HDAC9: variants seen among roughly 807,000 people sequenced by gnomAD.
The protein encoded by HDAC9 is histone deacetylase 9.
Under a neutral mutation model 139.4 loss-of-function variants are expected in HDAC9, and 41 were observed. The ratio of observed to expected loss-of-function variants is 0.29; its 90% CI spans 0.23 to 0.38. The LOEUF is 0.38. Among genes scored for constraint, HDAC9 ranks in the 10% least tolerant of loss-of-function variants. The probability of loss-of-function intolerance (pLI) is 1.00; values close to 1 mark genes in which losing one functional copy is unlikely to be tolerated. For synonymous variants in HDAC9, 517 were observed against 476.2 expected, an observed-to-expected ratio of 1.09 and a Z score of -1.12; for missense variants, 1,147 against 1,297.0, an observed-to-expected ratio of 0.88 and a Z score of 1.78.
At chr7:18,940,427 C>A (rs1242437970) in intron 23 of HDAC9, among the ~76,000 whole-genome samples, 1 of 152,082 alleles carries the variant, frequency 6.6e-6, no homozygotes, top group Non-Finnish European at 1.5e-5. Context: ...TACCAGAAGT[C>A]CATTTTTTTC....
chr7:18,793,961 A>G (rs1016505883), intron 17 of HDAC9, among the ~76,000 whole-genome samples: 1 of 152,216 alleles, frequency 6.6e-6, no homozygotes, highest in African/African-American at 2.4e-5. Flanking sequence ...AACTTAAAAA[A>G]TGAGCTATGC....
At chr7:18,410,238 G>C (rs1473079964) in intron 1 of HDAC9, among the ~76,000 whole-genome samples, 1 of 152,188 alleles carries the variant, frequency 6.6e-6, no homozygotes, top group African/African-American at 2.4e-5. Context: ...TGATGGAGCA[G>C]CAAGGGAGGT....
In HDAC9 at chr7:18,375,244, C is replaced by T. The variant is rs999017621; in HGVS notation, c.-42+84729C>T. On this transcript the variant is annotated intron_variant, in intron 1 of 3. Transcript: ENST00000413509. Reference sequence around the variant, plus strand: ...CAGCACTTTGGGAGGCTGAGGCAGGCGGATTACCTCAGTTCAGGAGTTTGA... The same window carrying T: ...CAGCACTTTGGGAGGCTGAGGCAGGTGGATTACCTCAGTTCAGGAGTTTGA... 9.2e-5 allele frequency among the ~76,000 whole-genome samples: 14 copies of T among 152,198 alleles called. No homozygotes were observed. In the South Asian group the frequency reaches 1.0e-3, roughly 11 times the overall value.
At chr7:18,660,006 C>T (rs548629321) in intron 11 of HDAC9, among the ~76,000 whole-genome samples, 1 of 152,250 alleles carries the variant, frequency 6.6e-6, no homozygotes, top group South Asian at 2.1e-4. Context: ...CCCATACCAG[C>T]TTTGCAGTGG....
intron 22 of HDAC9, among the ~76,000 whole-genome samples, chr7:18,897,394 A>C (rs1801300874): frequency 2.0e-5 from 3 of 151,962 alleles, no homozygotes; most frequent in Admixed American, 1.3e-4. Context: ...GGACTTTATA[A>C]CTTTTTCCTT....
At chr7:18,284,045 A>G (rs1159678767) in intron 2 of HDAC9, among the ~76,000 whole-genome samples, 2 of 152,138 alleles carry the variant, frequency 1.3e-5, no homozygotes, top group Non-Finnish European at 2.9e-5. Flanking sequence ...CACAACATTC[A>G]TTTCCTTAAG....
chr7:18,672,776 A>C (rs1389781919), intron 12 of HDAC9, among the ~76,000 whole-genome samples: 1 of 152,036 alleles, frequency 6.6e-6, no homozygotes, highest in Non-Finnish European at 1.5e-5. Flanking sequence ...ATTTTCAAAG[A>C]GATATGAACT....
intron 2 of HDAC9, among the ~76,000 whole-genome samples, chr7:18,209,398 C>T (rs886599701): frequency 2.0e-5 from 3 of 152,150 alleles, no homozygotes; most frequent in South Asian, 2.1e-4. Flanking sequence ...CCCATCTTGA[C>T]GCTTGAAGCC....
At position 18,861,340 on chromosome 7, in the gene HDAC9, CAG is replaced by C. The variant is rs563877821; in HGVS notation, c.2685-13135_2685-13134del. Among the ~76,000 whole-genome samples, 840 of 152,236 alleles carry C rather than the reference CAG, an allele frequency of 5.5e-3. 3 individuals carry two copies. The highest frequency in any genetic ancestry group is 0.01 in the Admixed American group (153 of 15,290). Reference sequence around the variant, plus strand: ...TTTCTTTCTAGACTAGATTTCAGTACAGAGTTTAACGAAAGCAAAATCTGTTA... The same window carrying C: ...TTTCTTTCTAGACTAGATTTCAGTACAGTTTAACGAAAGCAAAATCTGTTA... On this transcript the variant is annotated intron_variant, in intron 21 of 25. Coordinates refer to ENST00000686413, the MANE Select transcript of HDAC9 (RefSeq NM_178425.4).
At chr7:18,247,758 C>T (rs1794650151) in intron 2 of HDAC9, among the ~76,000 whole-genome samples, 1 of 152,094 alleles carries the variant, frequency 6.6e-6, no homozygotes, top group Non-Finnish European at 1.5e-5. Context: ...TCTCAGGATG[C>T]TCTTTGTCAT....
At chr7:18,912,314 A>T (rs1802814105) in intron 22 of HDAC9, among the ~76,000 whole-genome samples, 1 of 152,100 alleles carries the variant, frequency 6.6e-6, no homozygotes, top group African/African-American at 2.4e-5. Context: ...TGAACATAAA[A>T]ACCTTTACCC....
chr7:18,832,740 T>G (rs530451360), intron 19 of HDAC9, among the ~76,000 whole-genome samples: 11 of 149,410 alleles, frequency 7.4e-5, no homozygotes, highest in Non-Finnish European at 1.3e-4. Context: ...TATATATATA[T>G]TTTTTTTTTC....
intron 1 of HDAC9, among the ~76,000 whole-genome samples, chr7:18,479,004 A>G (rs1795339958): frequency 1.3e-5 from 2 of 152,078 alleles, no homozygotes; most frequent in African/African-American, 4.8e-5. Context: ...CATTATTAAT[A>G]TATATTCTGA....
At chr7:18,966,783 A>G (rs1453069151) in intron 24 of HDAC9, among the ~76,000 whole-genome samples, 2 of 152,210 alleles carry the variant, frequency 1.3e-5, no homozygotes, top group Non-Finnish European at 1.5e-5. Context: ...AAGTATGTTC[A>G]GGAAATAGAA....
At chr7:18,545,193 A>G (rs1157757108) in intron 2 of HDAC9, among the ~76,000 whole-genome samples, 2 of 152,186 alleles carry the variant, frequency 1.3e-5, no homozygotes, top group Non-Finnish European at 2.9e-5. Flanking sequence ...TTAAAGTGTG[A>G]ATGGAAACAC....
chr7:18,983,045 T>C (rs902533173), intron 25 of HDAC9, among the ~76,000 whole-genome samples: 4 of 152,176 alleles, frequency 2.6e-5, no homozygotes, highest in African/African-American at 7.2e-5. Context: ...TGCAACAGGT[T>C]TCTGGAACTT....
intron 2 of HDAC9, among the ~76,000 whole-genome samples, chr7:18,178,438 G>T (rs1789132810): frequency 6.6e-6 from 1 of 152,138 alleles, no homozygotes; most frequent in Non-Finnish European, 1.5e-5. Flanking sequence ...ATTGCAATAG[G>T]GTAGTCATTG....
At chr7:18,384,522 A>C (rs1001900960) in intron 1 of HDAC9, among the ~76,000 whole-genome samples, 1 of 152,154 alleles carries the variant, frequency 6.6e-6, no homozygotes, top group East Asian at 1.9e-4. Flanking sequence ...TCAATATCAA[A>C]TATTCAATAT....
At chr7:18,733,068 T>C (rs1438763375) in intron 13 of HDAC9, among the ~76,000 whole-genome samples, 2 of 146,176 alleles carry the variant, frequency 1.4e-5, no homozygotes, top group African/African-American at 5.0e-5. Flanking sequence ...TATATACGTA[T>C]ATACACATGT....
Sources: allele counts gnomAD v4.1 joint callset (sites outside exome capture counted in the v4.1 genomes callset), GRCh38; gene constraint gnomAD v4.1.1; transcripts MANE v1.5; gene names NCBI Gene and HGNC (gene_info 2026-07-23, HGNC 2026-07-21).